The following CACNA1C variants were observed in gnomAD, a reference collection of about 807,000 sequenced individuals.
CACNA1C encodes the protein voltage-dependent L-type calcium channel subunit alpha-1C.
A neutral mutation model predicts 229.0 loss-of-function variants in CACNA1C; 30 were observed. That is an observed-to-expected ratio of 0.13 (90% CI 0.10 to 0.18). The LOEUF is 0.18. CACNA1C is among the 10% of genes least tolerant of loss of function. The pLI is 1.00. For missense variants in CACNA1C, 1,658 were observed against 2,845.0 expected, an observed-to-expected ratio of 0.58 and a Z score of 9.49; for synonymous variants, 1,114 against 1,132.5, an observed-to-expected ratio of 0.98 and a Z score of 0.33.
At chr12:2,629,593 TAA>T (rs755894886) in intron 29 of CACNA1C, among the ~76,000 whole-genome samples, 26 of 152,142 alleles carry the variant, frequency 1.7e-4, no homozygotes, top group Non-Finnish European at 3.5e-4. Context: ...ATAGGGAAGT[TAA>T]GTTATTTGTT....
At chr12:2,580,727 G>C (rs2060182663) in intron 13 of CACNA1C, among the ~76,000 whole-genome samples, 1 of 152,180 alleles carries the variant, frequency 6.6e-6, no homozygotes, top group African/African-American at 2.4e-5. Context: ...TAAGGAGTGG[G>C]GACCTCCTCC....
chr12:2,159,189 T>A (rs1434635142), intron 3 of CACNA1C, among the ~76,000 whole-genome samples: 3 of 152,028 alleles, frequency 2.0e-5, no homozygotes, highest in Admixed American at 2.0e-4. Context: ...TAGAACAAAT[T>A]GACTCTTTAA....
intron 7 of CACNA1C, among the ~76,000 whole-genome samples, chr12:2,502,281 T>G (rs1262160886): frequency 1.3e-5 from 2 of 152,240 alleles, no homozygotes; most frequent in Non-Finnish European, 2.9e-5. Flanking sequence ...GAGCGTTAGC[T>G]GAGGACCTAC....
intron 3 of CACNA1C, among the ~76,000 whole-genome samples, chr12:2,237,368 C>T (rs567650776): frequency 3.2e-4 from 48 of 152,322 alleles, no homozygotes; most frequent in Non-Finnish European, 5.0e-4. Flanking sequence ...CTGTATCTCT[C>T]CACTGAGGCC....
intron 3 of CACNA1C, among the ~76,000 whole-genome samples, chr12:2,255,700 A>G (rs1347155674): frequency 6.6e-6 from 1 of 152,098 alleles, no homozygotes; most frequent in East Asian, 1.9e-4. Context: ...AAGTCAGATG[A>G]GATTCCTCCT....
intron 18 of CACNA1C, among the ~76,000 whole-genome samples, chr12:2,587,873 G>A (rs548132251): frequency 6.6e-5 from 10 of 152,166 alleles, no homozygotes; most frequent in East Asian, 1.9e-4. Context: ...GCCCCACCAC[G>A]TACACCAGCC....
chr12:2,125,227 C>A (rs1057172359), intron 3 of CACNA1C, among the ~76,000 whole-genome samples: 1 of 152,062 alleles, frequency 6.6e-6, no homozygotes, highest in Admixed American at 6.5e-5. Context: ...GTTGGTAGTT[C>A]AAAATCGTGG....
chr12:2,335,320 T>G (rs2154517409), intron 3 of CACNA1C, among the ~76,000 whole-genome samples: 1 of 152,244 alleles, frequency 6.6e-6, no homozygotes, highest in South Asian at 2.1e-4. Flanking sequence ...TCACTGGAAT[T>G]TAAAACACCA....
At position 2,233,933 on chromosome 12, in the gene CACNA1C, G is replaced by T. The variant is rs559692519; in HGVS notation, c.477+113503G>T. On this transcript the variant is annotated intron_variant, in intron 3 of 46. Coordinates refer to ENST00000399655, the MANE Select transcript of CACNA1C (RefSeq NM_000719.7). ...TCAGCTTCAAGGGGGTCGAAAGTGA[G>T]GTCAGTTAAGGTCATTTGGATGGGC... Among the ~76,000 whole-genome samples, 7 of 152,304 alleles carry T rather than the reference G, an allele frequency of 4.6e-5. No individual in the cohort carries two copies. The East Asian group carries it at 1.4e-3, about 29-fold the overall frequency.
At chr12:1,982,380 T>G (rs982199197) in intron 1 of CACNA1C, among the ~76,000 whole-genome samples, 3 of 152,250 alleles carry the variant, frequency 2.0e-5, no homozygotes, top group Admixed American at 2.0e-4. Context: ...CTCCCCACTC[T>G]CCATTCCCTG....
At chr12:2,490,360 G>T (rs925397136) in intron 6 of CACNA1C, among the ~76,000 whole-genome samples, 1 of 152,224 alleles carries the variant, frequency 6.6e-6, no homozygotes, top group African/African-American at 2.4e-5. Context: ...TGCAGGGAAT[G>T]CTGTCAGATG....
Position 2,651,843 on chromosome 12 carries a change from G to A in CACNA1C, c.4074+75G>A. On this transcript the variant is annotated intron_variant, in intron 32 of 46. Transcript: ENST00000399655. The surrounding 1 kb of genome is among the most constrained non-coding windows in gnomAD (Gnocchi z 5.4). ...TGGCCCAGAACACAGCTGACACAAG[G>A]AGGAGCCCTCCACTCTGGGGCCCTG... The A allele has an allele frequency of 8.1e-7, 1 of 1,228,720 alleles. No homozygotes were observed. The highest frequency in any genetic ancestry group is 2.3e-5 in the Admixed American group (1 of 43,584). 76.1% of individuals were successfully genotyped at this position (1,228,720 alleles called of 1,614,324 possible). A position where few individuals can be genotyped will look rare whatever the true frequency, so the allele number is the denominator to read the frequency against.
intron 46 of CACNA1C, 124 bp from the exon 47 acceptor site, chr12:2,690,776 G>A: frequency 1.1e-6 from 1 of 901,042 alleles, no homozygotes; most frequent in Non-Finnish European, 1.7e-6. Context: ...ACGTACACGT[G>A]CACACACGCA....
At chr12:2,046,519 A>G (rs1484199770) in intron 1 of CACNA1C, among the ~76,000 whole-genome samples, 2 of 152,166 alleles carry the variant, frequency 1.3e-5, no homozygotes, top group Non-Finnish European at 2.9e-5. Flanking sequence ...GAGGGCCATC[A>G]TTTGAATTCA....
Position 2,550,654 on chromosome 12 carries a change from C to T in CACNA1C, c.1481+621C>T, listed in dbSNP as rs200329394. On this transcript the variant is annotated intron_variant, in intron 10 of 46. Transcript: ENST00000399655. ...CTGCAAACAGAGGCTCTGAGTCAGACCAGTCCCAGGTACAATGCATTTCTG... is the reference window on the plus strand; with the variant it reads ...CTGCAAACAGAGGCTCTGAGTCAGATCAGTCCCAGGTACAATGCATTTCTG... 3.0e-6 allele frequency: 4 copies of T among 1,349,098 alleles called. No homozygotes were observed. The South Asian group carries it at 4.6e-5, about 15-fold the overall frequency. 83.6% of individuals were successfully genotyped at this position (1,349,098 alleles called of 1,614,324 possible). A position where few individuals can be genotyped will look rare whatever the true frequency, so the allele number is the denominator to read the frequency against.
intron 3 of CACNA1C, among the ~76,000 whole-genome samples, chr12:2,365,437 A>G (rs1258125707): frequency 5.3e-5 from 8 of 152,228 alleles, no homozygotes; most frequent in African/African-American, 1.9e-4. Flanking sequence ...CTTTTGAAAA[A>G]TATGGAGAAA....
At chr12:2,577,344 A>T (rs1040171663) in intron 13 of CACNA1C, among the ~76,000 whole-genome samples, 2 of 152,226 alleles carry the variant, frequency 1.3e-5, no homozygotes, top group African/African-American at 4.8e-5. Context: ...GGACCAGTGA[A>T]TTTGAGAATG....
chr12:2,585,755 C>A lies in CACNA1C; in HGVS notation c.2461-80C>A. 9.0e-7 allele frequency: 1 copy of A among 1,107,484 alleles called. No homozygotes were observed. Among genetic ancestry groups the A allele is most frequent in the Non-Finnish European group, 1.4e-6 (1 of 739,538 alleles). 68.6% of individuals were successfully genotyped at this position (1,107,484 alleles called of 1,614,324 possible). Reference sequence around the variant, plus strand: ...TTGAGCTAAGTCACTGACTAAAATGCAACTTCAAGGCTACTGCAAGCCTCT... The same window carrying A: ...TTGAGCTAAGTCACTGACTAAAATGAAACTTCAAGGCTACTGCAAGCCTCT... On this transcript the variant is annotated intron_variant, in intron 17 of 46. Coordinates refer to ENST00000399655, the MANE Select transcript of CACNA1C (RefSeq NM_000719.7). This position sits in a 1 kb window ranked among gnomAD's most constrained non-coding sequence, Gnocchi z 4.1.
Position 2,617,770 on chromosome 12 carries a change from A to G in CACNA1C, c.3828+5757A>G, listed in dbSNP as rs553549211. Among the ~76,000 whole-genome samples, 5 of 152,286 alleles carry G rather than the reference A, an allele frequency of 3.3e-5. No homozygotes were observed. In the South Asian group the frequency reaches 1.0e-3, roughly 32 times the overall value. ...ACTGGGCTTGTGTCGAAAGGCACAG[A>G]TGAGGGCTGAGTTGGGGCTGTAGGT... On this transcript the variant is annotated intron_variant, in intron 29 of 46. Transcript: ENST00000399655.
Sources: gnomAD v4.1 joint callset for allele counts (sites outside exome capture counted in the v4.1 genomes callset) on GRCh38, gnomAD v4.1.1 for gene constraint, Gnocchi (gnomAD v3.1) non-coding constraint, MANE v1.5 for transcripts, NCBI Gene and HGNC (gene_info 2026-07-23, HGNC 2026-07-21) for gene names.